GNAO1: variants seen among roughly 807,000 people sequenced by gnomAD.
The protein encoded by GNAO1 is guanine nucleotide-binding protein G(o) subunit alpha.
For missense variants in GNAO1, 166 were observed against 478.7 expected (o/e 0.35, Z 6.10); for synonymous variants, 164 against 180.7 (o/e 0.91, Z 0.74).
In GNAO1 at chr16:56,311,781, C is replaced by A. The variant is rs1230661360; in HGVS notation, c.304-16850C>A. 6.6e-6 allele frequency among the ~76,000 whole-genome samples: 1 copy of A among 152,110 alleles called. No homozygotes were observed. Among genetic ancestry groups the A allele is most frequent in the South Asian group, 2.1e-4 (1 of 4,832 alleles). ...TGTCCACCTCCTGCCCCGCCCAGCA[C>A]GGCCCGCTGGGACCTCCTTGCCTGG... On this transcript the variant is annotated intron_variant, in intron 3 of 8. Coordinates refer to ENST00000262493, the MANE Select transcript of GNAO1 (RefSeq NM_020988.3). The surrounding 1 kb of genome is among the most constrained non-coding windows in gnomAD (Gnocchi z 5.2).
chr16:56,351,361 C>T lies in GNAO1; in HGVS notation c.724-23C>T. 1 of 1,595,618 alleles carries T rather than the reference C, an allele frequency of 6.3e-7. No individual in the cohort carries two copies. The highest frequency in any genetic ancestry group is 8.6e-7 in the Non-Finnish European group (1 of 1,164,118). On this transcript the variant is annotated intron_variant, in intron 6 of 8. Transcript: ENST00000262493. The surrounding 1 kb of genome is among the most constrained non-coding windows in gnomAD (Gnocchi z 6.1). ...GTCTCCCTCCCGCTGTCTGTCCTCT[C>T]TCCTCCCTTCCTGCGGCCGCAGAAC...
intron 3 of GNAO1, among the ~76,000 whole-genome samples, chr16:56,298,477 G>A (rs931093658): frequency 7.2e-5 from 11 of 152,110 alleles, no homozygotes; most frequent in Admixed American, 2.0e-4. Context: ...GAGACACTCC[G>A]TCATTTCTGT....
intron 3 of GNAO1, among the ~76,000 whole-genome samples, chr16:56,278,377 C>G (rs113629293): frequency 6.6e-6 from 1 of 152,242 alleles, no homozygotes; most frequent in African/African-American, 2.4e-5. Context: ...TGTATTCTTA[C>G]ACCTGTGAGG....
At chr16:56,322,182 A>C (rs1245429591) in intron 3 of GNAO1, among the ~76,000 whole-genome samples, 1 of 152,144 alleles carries the variant, frequency 6.6e-6, no homozygotes, top group Non-Finnish European at 1.5e-5. Flanking sequence ...GAACGCCAGC[A>C]TCTTGGGGGT....
At chr16:56,242,636 G>C (rs191094597) in intron 2 of GNAO1, among the ~76,000 whole-genome samples, 1 of 152,264 alleles carries the variant, frequency 6.6e-6, no homozygotes, top group Admixed American at 6.5e-5. Context: ...AATAAATTTG[G>C]ATCCTTATCT....
intron 8 of GNAO1, 169 bp from the exon 9 acceptor site, chr16:56,355,934 C>T (rs1263802158): frequency 3.3e-5 from 5 of 152,224 alleles, no homozygotes; most frequent in Non-Finnish European, 1.5e-5. Flanking sequence ...GCCAGGCTTC[C>T]CCAGGTGCCC....
chr16:56,202,218 T>G (rs1359668216), intron 2 of GNAO1, among the ~76,000 whole-genome samples: 5 of 152,136 alleles, frequency 3.3e-5, no homozygotes, highest in African/African-American at 1.2e-4. Context: ...GATATTTCAG[T>G]AGACAAATAA....
Position 56,258,802 on chromosome 16 carries a change from CAG to C in GNAO1, c.162-17128_162-17127del, listed in dbSNP as rs200051165. 8.5e-5 allele frequency among the ~76,000 whole-genome samples: 13 copies of C among 152,294 alleles called. No homozygotes were observed. The East Asian group carries it at 1.2e-3, about 14-fold the overall frequency. On this transcript the variant is annotated intron_variant, in intron 2 of 8. Transcript: ENST00000262493. ...TTTCCTGCAGCTCCTCTGGGAGAGA[CAG>C]GGGATTGGGGCAGGCAATAGCTCTT...
chr16:56,233,386 T>C (rs1230196989), intron 2 of GNAO1, among the ~76,000 whole-genome samples: 2 of 152,246 alleles, frequency 1.3e-5, no homozygotes, highest in Admixed American at 6.5e-5. Context: ...GAAGGTCTTC[T>C]ATGTATGGAG....
intron 3 of GNAO1, among the ~76,000 whole-genome samples, chr16:56,299,951 C>A (rs1015678315): frequency 3.3e-5 from 5 of 151,846 alleles, no homozygotes; most frequent in Non-Finnish European, 7.4e-5. Context: ...AATTGGCCAG[C>A]TTCCTAACCT....
At chr16:56,274,024 C>T (rs569562299) in intron 2 of GNAO1, among the ~76,000 whole-genome samples, 1 of 152,214 alleles carries the variant, frequency 6.6e-6, no homozygotes, top group South Asian at 2.1e-4. Flanking sequence ...GCTCTCTCTT[C>T]GCAGTTTTCT....
intron 3 of GNAO1, among the ~76,000 whole-genome samples, chr16:56,312,513 T>G (rs541142327): frequency 4.7e-4 from 72 of 152,320 alleles, no homozygotes; most frequent in African/African-American, 1.7e-3. Flanking sequence ...TGTATCCTTC[T>G]GGACTGGTTG....
intron 2 of GNAO1, among the ~76,000 whole-genome samples, chr16:56,262,008 A>G (rs2036908060): frequency 6.6e-6 from 1 of 152,196 alleles, no homozygotes. Context: ...CTGGATCCAC[A>G]TGTGTGTGAT....
At chr16:56,268,491 C>T (rs1303710048) in intron 2 of GNAO1, among the ~76,000 whole-genome samples, 1 of 152,214 alleles carries the variant, frequency 6.6e-6, no homozygotes, top group Non-Finnish European at 1.5e-5. Context: ...ACCCCTTTTA[C>T]TCAAGTATTC....
At chr16:56,233,568 C>T (rs552893613) in intron 2 of GNAO1, among the ~76,000 whole-genome samples, 1 of 152,276 alleles carries the variant, frequency 6.6e-6, no homozygotes, top group African/African-American at 2.4e-5. Flanking sequence ...AGAAGCAGAG[C>T]GTGAGGTGAT....
At chr16:56,260,722 C>T (rs1187796831) in intron 2 of GNAO1, among the ~76,000 whole-genome samples, 1 of 86 alleles carries the variant, frequency 0.012, no homozygotes, top group African/African-American at 0.033. Flanking sequence ...GGGCATGACC[C>T]GCTATCATGG....
chr16:56,295,354 G>A (rs2037276176), intron 3 of GNAO1, among the ~76,000 whole-genome samples: 1 of 152,108 alleles, frequency 6.6e-6, no homozygotes, highest in African/African-American at 2.4e-5. Flanking sequence ...CTTTTCTGGT[G>A]TGTAATATGA....
intron 3 of GNAO1, among the ~76,000 whole-genome samples, chr16:56,324,581 G>C (rs2037612092): frequency 6.6e-6 from 1 of 152,210 alleles, no homozygotes; most frequent in Non-Finnish European, 1.5e-5. Context: ...TTTAGCCCCA[G>C]GTGGAGGCGC....
chr16:56,268,610 C>T (rs1235768540), intron 2 of GNAO1, among the ~76,000 whole-genome samples: 1 of 152,158 alleles, frequency 6.6e-6, no homozygotes, highest in Non-Finnish European at 1.5e-5. Context: ...AAACATGAAA[C>T]AAAACATACA....
Sources: allele counts gnomAD v4.1 joint callset (sites outside exome capture counted in the v4.1 genomes callset), GRCh38; gene constraint gnomAD v4.1.1; non-coding constraint Gnocchi (gnomAD v3.1); transcripts MANE v1.5; gene names NCBI Gene and HGNC (gene_info 2026-07-23, HGNC 2026-07-21).